The following GRID2 variants were observed in gnomAD, a reference collection of about 807,000 sequenced individuals.
GRID2 encodes the protein glutamate receptor ionotropic, delta-2.
GRID2 carries 33 observed loss-of-function variants against 114.8 expected under a neutral mutation model. That is an observed-to-expected ratio of 0.29 (90% CI 0.22 to 0.38). The LOEUF (loss-of-function observed/expected upper bound fraction) is 0.38. GRID2 is among the 10% of genes least tolerant of loss of function. The probability of loss-of-function intolerance (pLI) is 1.00; values close to 1 mark genes in which losing one functional copy is unlikely to be tolerated. For missense variants in GRID2, 1,184 were observed against 1,257.7 expected (o/e 0.94, Z 0.89); for synonymous variants, 505 against 449.9 (o/e 1.12, Z -1.55).
chr4:92,680,769 G>A (rs1044985817), intron 2 of GRID2, among the ~76,000 whole-genome samples: 1 of 152,136 alleles, frequency 6.6e-6, no homozygotes, highest in Non-Finnish European at 1.5e-5. Flanking sequence ...ATGAGGAATG[G>A]CAAGTGTACA....
chr4:93,173,787 AC>A (rs1241876338), intron 4 of GRID2, among the ~76,000 whole-genome samples: 2 of 151,928 alleles, frequency 1.3e-5, no homozygotes, highest in Non-Finnish European at 2.9e-5. Context: ...GTGCCACCAC[AC>A]CCAGCTCATT....
intron 2 of GRID2, among the ~76,000 whole-genome samples, chr4:92,669,772 A>G (rs929973439): frequency 6.6e-6 from 1 of 152,034 alleles, no homozygotes; most frequent in Non-Finnish European, 1.5e-5. Flanking sequence ...ATTATATACC[A>G]TTTGGAAATT....
chr4:93,335,865 T>A (rs1397157790), intron 8 of GRID2, among the ~76,000 whole-genome samples: 1 of 152,018 alleles, frequency 6.6e-6, no homozygotes, highest in Non-Finnish European at 1.5e-5. Flanking sequence ...TTCGGCTAGT[T>A]TTTTTGTAGA....
intron 2 of GRID2, among the ~76,000 whole-genome samples, chr4:92,714,026 T>C (rs1579900131): frequency 1.3e-5 from 2 of 152,080 alleles, no homozygotes; most frequent in South Asian, 2.1e-4. Context: ...AAGTCCACAG[T>C]CCAACATCTC....
chr4:93,062,560 T>C (rs1727901515), intron 2 of GRID2, among the ~76,000 whole-genome samples: 1 of 152,078 alleles, frequency 6.6e-6, no homozygotes, highest in Non-Finnish European at 1.5e-5. Flanking sequence ...TAAGAAAATA[T>C]CAAACATTTT....
intron 2 of GRID2, among the ~76,000 whole-genome samples, chr4:92,944,150 CT>C (rs1302004498): frequency 1.3e-5 from 2 of 152,200 alleles, no homozygotes; most frequent in Non-Finnish European, 2.9e-5. Context: ...TTTCTGCTGC[CT>C]TTTGTATGGC....
intron 13 of GRID2, among the ~76,000 whole-genome samples, chr4:93,558,511 T>TA (rs1187439809): frequency 6.6e-6 from 1 of 151,978 alleles, no homozygotes; most frequent in Non-Finnish European, 1.5e-5. Context: ...TTCCTGGACA[T>TA]ACACCCTCCC....
At chr4:93,660,272 A>T (rs886985151) in intron 14 of GRID2, among the ~76,000 whole-genome samples, 1 of 152,172 alleles carries the variant, frequency 6.6e-6, no homozygotes, top group African/African-American at 2.4e-5. Flanking sequence ...CTCAAATTAT[A>T]CCATTTTAAA....
intron 2 of GRID2, among the ~76,000 whole-genome samples, chr4:92,638,570 C>G (rs553725041): frequency 6.7e-6 from 1 of 149,070 alleles, no homozygotes; most frequent in African/African-American, 2.4e-5. Flanking sequence ...TCATGAGAAT[C>G]TTTTATGTGA....
intron 4 of GRID2, among the ~76,000 whole-genome samples, chr4:93,199,343 A>C (rs1741837978): frequency 6.6e-6 from 1 of 152,208 alleles, no homozygotes; most frequent in African/African-American, 2.4e-5. Flanking sequence ...TTTGTTCAAT[A>C]ATATAGAACA....
At chr4:92,534,176 A>T (rs1056943355) in intron 1 of GRID2, among the ~76,000 whole-genome samples, 1 of 152,072 alleles carries the variant, frequency 6.6e-6, no homozygotes, top group African/African-American at 2.4e-5. Context: ...TTAATCAAGG[A>T]TCCAGCGTTT....
intron 7 of GRID2, among the ~76,000 whole-genome samples, chr4:93,231,912 G>A (rs1015035282): frequency 6.6e-6 from 1 of 152,000 alleles, no homozygotes; most frequent in South Asian, 2.1e-4. Flanking sequence ...TTAGAAAATA[G>A]ATTAGAAATA....
At chr4:92,649,764 G>A (rs964926088) in intron 2 of GRID2, among the ~76,000 whole-genome samples, 1 of 151,946 alleles carries the variant, frequency 6.6e-6, no homozygotes, top group African/African-American at 2.4e-5. Context: ...CCTCTGAAGT[G>A]GAGGTAAAAT....
chr4:93,086,362 T>C (rs1730326794), intron 3 of GRID2, among the ~76,000 whole-genome samples: 1 of 152,224 alleles, frequency 6.6e-6, no homozygotes, highest in Non-Finnish European at 1.5e-5. Context: ...GTGAACGATA[T>C]TGGAGAACAG....
intron 2 of GRID2, among the ~76,000 whole-genome samples, chr4:92,958,078 C>A (rs1211918154): frequency 2.0e-5 from 3 of 152,022 alleles, no homozygotes; most frequent in African/African-American, 7.2e-5. Flanking sequence ...GGATTTCCTA[C>A]ATAATGATAT....
intron 13 of GRID2, among the ~76,000 whole-genome samples, chr4:93,535,839 T>C (rs543934521): frequency 1.3e-5 from 2 of 152,166 alleles, no homozygotes; most frequent in African/African-American, 4.8e-5. Flanking sequence ...TTCTACCATT[T>C]CCTAAGCTGT....
At chr4:92,740,738 A>AGATAGATAGATAGATAGATG (rs1553922626) in intron 2 of GRID2, among the ~76,000 whole-genome samples, 1 of 141,060 alleles carries the variant, frequency 7.1e-6, no homozygotes, top group African/African-American at 2.8e-5. Flanking sequence ...ATAGATAGAT[A>AGATAGATAGATAGATAGATG]GATGGATAGA....
chr4:92,407,447 T>TA (rs1332491288), intron 1 of GRID2, among the ~76,000 whole-genome samples: 1 of 152,138 alleles, frequency 6.6e-6, no homozygotes, highest in Non-Finnish European at 1.5e-5. Flanking sequence ...GGTATATACC[T>TA]AGTAGTGGGA....
intron 14 of GRID2, among the ~76,000 whole-genome samples, chr4:93,656,232 T>C (rs187060934): frequency 6.6e-6 from 1 of 152,138 alleles, no homozygotes; most frequent in East Asian, 1.9e-4. Context: ...TTGTTTCTAT[T>C]TAATGTATTA....
Sources: gnomAD v4.1 joint callset for allele counts (sites outside exome capture counted in the v4.1 genomes callset) on GRCh38, gnomAD v4.1.1 for gene constraint, MANE v1.5 for transcripts, NCBI Gene and HGNC (gene_info 2026-07-23, HGNC 2026-07-21) for gene names.